The following IFTAP variants were observed in gnomAD, a reference collection of about 807,000 sequenced individuals.
IFTAP encodes the protein intraflagellar transport associated protein.
IFTAP carries 19 observed loss-of-function variants against 19.4 expected under a neutral mutation model. The observed-to-expected ratio is 0.98, with a 90% CI of 0.68 to 1.44. The LOEUF is 1.44. IFTAP is among the 40% of genes most tolerant of loss of function. IFTAP has a pLI of 0.00. For missense variants in IFTAP, 240 were observed against 253.6 expected (o/e 0.95, Z 0.36); for synonymous variants, 85 against 83.5 (o/e 1.02, Z -0.10).
At chr11:36,644,164 C>G (rs895714690) in intron 4 of IFTAP, among the ~76,000 whole-genome samples, 1 of 152,124 alleles carries the variant, frequency 6.6e-6, no homozygotes, top group African/African-American at 2.4e-5. Flanking sequence ...AAAAAACAAA[C>G]AACCCCATCA....
chr11:36,652,333 A>C (rs988904963), intron 5 of IFTAP, among the ~76,000 whole-genome samples: 13 of 152,032 alleles, frequency 8.6e-5, no homozygotes, highest in Non-Finnish European at 1.2e-4. Flanking sequence ...GGGAGTTCAC[A>C]CATGATTTGG....
intron 2 of IFTAP, among the ~76,000 whole-genome samples, chr11:36,629,279 T>G (rs1170666418): frequency 1.3e-5 from 2 of 151,300 alleles, no homozygotes; most frequent in Non-Finnish European, 2.9e-5. Flanking sequence ...TGATTGCTTA[T>G]CCCCTATTCT....
chr11:36,639,589 G>A (rs901546832), intron 4 of IFTAP, among the ~76,000 whole-genome samples: 4 of 152,166 alleles, frequency 2.6e-5, no homozygotes, highest in Admixed American at 2.6e-4. Context: ...ACTGCATGAC[G>A]AGAGAGGAAC....
intron 1 of IFTAP, among the ~76,000 whole-genome samples, chr11:36,605,020 T>A (rs1474873800): frequency 1.3e-5 from 2 of 151,618 alleles, no homozygotes; most frequent in African/African-American, 4.9e-5. Context: ...GCCTATTAAA[T>A]CTCTGCAGTT....
At chr11:36,607,138 A>G (rs1298881570) in intron 1 of IFTAP, among the ~76,000 whole-genome samples, 1 of 152,198 alleles carries the variant, frequency 6.6e-6, no homozygotes, top group Non-Finnish European at 1.5e-5. Flanking sequence ...ATGAGGAATT[A>G]TCTTGATTTA....
chr11:36,631,171 A>G (rs976963583), intron 2 of IFTAP, among the ~76,000 whole-genome samples: 4 of 151,442 alleles, frequency 2.6e-5, no homozygotes, highest in Non-Finnish European at 4.4e-5. Flanking sequence ...ACAGAAGCCA[A>G]GGTTGGGTGC....
chr11:36,628,001 T>C (rs16929216), intron 2 of IFTAP, among the ~76,000 whole-genome samples: 16,421 of 149,704 alleles, frequency 0.11, 1,368 homozygotes, highest in African/African-American at 0.16. Context: ...AGAACTCACT[T>C]GCGAACTCTT....
In IFTAP at chr11:36,604,267, A is replaced by T. The variant is rs1388663600; in HGVS notation, c.-23-5814A>T. ...CAAAGGGCTATACCTAGGGCAATTT[A>T]ATAATATATGGAAGTCTAGATGCTT... On this transcript the variant is annotated intron_variant, in intron 1 of 5. Coordinates refer to ENST00000334307, the MANE Select transcript of IFTAP (RefSeq NM_138787.4). Among the ~76,000 whole-genome samples the T allele has an allele frequency of 3.9e-5, 6 of 152,134 alleles. No individual in the cohort carries two copies. In the South Asian group the frequency reaches 1.0e-3, roughly 26 times the overall value.
chr11:36,646,544 T>G (rs1201455566), intron 4 of IFTAP, among the ~76,000 whole-genome samples: 1 of 152,208 alleles, frequency 6.6e-6, no homozygotes, highest in African/African-American at 2.4e-5. Flanking sequence ...ACCATGCTAA[T>G]GTGTTATAGT....
At chr11:36,599,911 A>C (rs1314431805) in intron 1 of IFTAP, among the ~76,000 whole-genome samples, 1 of 152,254 alleles carries the variant, frequency 6.6e-6, no homozygotes, top group Admixed American at 6.5e-5. Flanking sequence ...GTAAATACAA[A>C]ATAAGAAATG....
chr11:36,628,180 A>T (rs1852590634), intron 2 of IFTAP, among the ~76,000 whole-genome samples: 1 of 150,912 alleles, frequency 6.6e-6, no homozygotes, highest in African/African-American at 2.5e-5. Flanking sequence ...ACTCCCCAGG[A>T]TGTAGGTCAA....
At chr11:36,648,932 C>A (rs1386249309) in intron 5 of IFTAP, among the ~76,000 whole-genome samples, 1 of 152,122 alleles carries the variant, frequency 6.6e-6, no homozygotes, top group East Asian at 1.9e-4. Flanking sequence ...TGCAAATGTG[C>A]AACTTGAAAG....
At chr11:36,641,285 A>G (rs1044084525) in intron 4 of IFTAP, among the ~76,000 whole-genome samples, 1 of 152,134 alleles carries the variant, frequency 6.6e-6, no homozygotes, top group Non-Finnish European at 1.5e-5. Flanking sequence ...ACTTATTTTA[A>G]TATGTAATTT....
chr11:36,639,687 C>T (rs1199351819), intron 4 of IFTAP, among the ~76,000 whole-genome samples: 1 of 152,162 alleles, frequency 6.6e-6, no homozygotes, highest in East Asian at 1.9e-4. Flanking sequence ...AACTCACTCA[C>T]TCTGGAGAGA....
At chr11:36,615,911 G>A (rs548725068) in intron 2 of IFTAP, among the ~76,000 whole-genome samples, 1 of 152,060 alleles carries the variant, frequency 6.6e-6, no homozygotes, top group South Asian at 2.1e-4. Flanking sequence ...CTTCTAAACT[G>A]CTGAAAGAAA....
chr11:36,658,883 A>G, intron 5 of IFTAP, 136 bp from the exon 6 acceptor site: 1 of 595,292 alleles, frequency 1.7e-6, no homozygotes, highest in Non-Finnish European at 2.7e-6. Context: ...TCTTTACTTA[A>G]AAACAGCTTA....
intron 1 of IFTAP, among the ~76,000 whole-genome samples, chr11:36,606,781 T>C (rs949804833): frequency 6.6e-6 from 1 of 152,146 alleles, no homozygotes; most frequent in Non-Finnish European, 1.5e-5. Context: ...TAAAATAAAA[T>C]GTTGAAATTT....
chr11:36,625,566 A>G (rs977588854), intron 2 of IFTAP, among the ~76,000 whole-genome samples: 1 of 152,098 alleles, frequency 6.6e-6, no homozygotes, highest in African/African-American at 2.4e-5. Flanking sequence ...GGGACATTTG[A>G]ATTATTTCTA....
chr11:36,599,228 G>C (rs889845745), intron 1 of IFTAP, among the ~76,000 whole-genome samples: 19 of 152,080 alleles, frequency 1.2e-4, no homozygotes, highest in African/African-American at 4.1e-4. Flanking sequence ...TCCTGACCTT[G>C]GGTGACCCAC....
Sources: allele counts gnomAD v4.1 joint callset (sites outside exome capture counted in the v4.1 genomes callset), GRCh38; gene constraint gnomAD v4.1.1; transcripts MANE v1.5; gene names NCBI Gene and HGNC (gene_info 2026-07-23, HGNC 2026-07-21).